Variants in KDM5B observed in about 807,000 individuals in gnomAD.
KDM5B encodes lysine-specific demethylase 5B.
In KDM5B, 144 loss-of-function variants were observed where a neutral mutation model predicts 193.4. The observed-to-expected ratio is 0.74, with a 90% CI of 0.65 to 0.86. The LOEUF (loss-of-function observed/expected upper bound fraction) is 0.86, where lower values mean the gene tolerates loss of function less well. KDM5B is among the 40% of genes least tolerant of loss of function. The pLI is 0.00. For missense variants in KDM5B, 1,833 were observed against 1,886.9 expected (o/e 0.97, Z 0.53); for synonymous variants, 668 against 682.6 (o/e 0.98, Z 0.33).
intron 1 of KDM5B, among the ~76,000 whole-genome samples, chr1:202,793,575 T>G (rs1159681164): frequency 6.6e-6 from 1 of 152,172 alleles, no homozygotes; most frequent in Non-Finnish European, 1.5e-5. Context: ...TCCTTAAGGT[T>G]AGGAGCTCAA....
chr1:202,729,166 C>A lies in KDM5B; in HGVS notation c.4505G>T (p.Trp1502Leu). The change falls in exon 27 of 27, where the codon TGG becomes TTG. Residue 1502 changes from tryptophan (W) to leucine (L), a missense_variant. By Grantham distance (61) the Trp-to-Leu change is moderately conservative (BLOSUM62 -2). Transcript: ENST00000367265. ...CLQPEGDEVD[W>L]VQCDGSCNQW... Reference sequence around the variant, plus strand: ...ATTGCAGCTGCCATCACACTGGACCCAGTCCACCTGGTTACAAAGAGCAGG... The same window carrying A: ...ATTGCAGCTGCCATCACACTGGACCAAGTCCACCTGGTTACAAAGAGCAGG... The A allele has an allele frequency of 6.2e-7, 1 of 1,614,114 alleles. No homozygotes were observed. The highest frequency in any genetic ancestry group is 8.5e-7 in the Non-Finnish European group (1 of 1,179,982).
At position 202,727,759 on chromosome 1, in the gene KDM5B, T is replaced by C. The variant is rs1289782178; in HGVS notation, c.*1277A>G. 2 of 152,642 alleles carry C rather than the reference T, an allele frequency of 1.3e-5. No individual in the cohort carries two copies. Among genetic ancestry groups the C allele is most frequent in the Admixed American group, 6.5e-5 (1 of 15,278 alleles). The allele number at this position is 152,642 out of a possible 1,614,324, so 9.5% of individuals were successfully genotyped here. ...AGAGTCTGGGAATTCACAAGTCTCC[T>C]CTCAAGACATATACTAAACCCGGAC... is the stretch of plus-strand genomic sequence containing the variant. On this transcript the variant is annotated 3_prime_UTR_variant, in exon 27 of 27. Transcript: ENST00000367265.
At position 202,724,734 on chromosome 1, in the gene KDM5B, T is replaced by TTGTGTGTGTGTTTGTG. The variant is rs1246516583; in HGVS notation, c.*4286_*4301dup. On this transcript the variant is annotated 3_prime_UTR_variant, in exon 27 of 27. Transcript: ENST00000367265. ...TGTCCTGATCATACACAGAAGGGGC[T>TTGTGTGTGTGTTTGTG]TGTGTGTGTGTTTGTGTGTGTGTGT... The TTGTGTGTGTGTTTGTG allele has an allele frequency of 4.0e-5, 4 of 98,924 alleles. No individual in the cohort carries two copies. Among genetic ancestry groups the TTGTGTGTGTGTTTGTG allele is most frequent in the African/African-American group, 1.1e-4 (4 of 36,430 alleles). 6.1% of individuals were successfully genotyped at this position (98,924 alleles called of 1,614,324 possible).
chr1:202,803,879 T>A (rs1381956833), intron 1 of KDM5B, among the ~76,000 whole-genome samples: 1 of 145,228 alleles, frequency 6.9e-6, no homozygotes, highest in Admixed American at 7.3e-5. Context: ...TCCAACCTCC[T>A]ACCAGGTTTT....
At chr1:202,775,856 C>CAA (rs35222749) in intron 2 of KDM5B, among the ~76,000 whole-genome samples, 766 of 21,440 alleles carry the variant, frequency 0.036, 72 homozygotes, top group Non-Finnish European at 0.046. Context: ...ACTCTTGTCT[C>CAA]AAAAAAAAAA....
At chr1:202,776,879 A>C in intron 2 of KDM5B, 138 bp downstream of exon 2, 1 of 674,826 alleles carries the variant, frequency 1.5e-6, no homozygotes, top group Non-Finnish European at 2.6e-6. Flanking sequence ...CTACAGAAAG[A>C]AATGTTCTTA....
At position 202,808,314 on chromosome 1, in the gene KDM5B, G is replaced by A. The variant is rs140228931; in HGVS notation, c.-9C>T. 3.0e-3 allele frequency: 4,777 copies of A among 1,581,490 alleles called. 116 individuals carry two copies. The African/African-American group carries it at 0.056, about 19-fold the overall frequency. ...GTGGTGGCCGCCTCCATCACCGCAG[G>A]CTGGGCAAGGGCGAGGCGAAGGTGG... On this transcript the variant is annotated 5_prime_UTR_variant, in exon 1 of 27. Transcript: ENST00000367265.
At chr1:202,766,411 CAGA>C (rs1467477872) in intron 5 of KDM5B, 1 of 381,500 alleles carries the variant, frequency 2.6e-6, no homozygotes, top group East Asian at 8.8e-5. Flanking sequence ...GAGGCTGAGG[CAGA>C]AGAATTGCTG....
At chr1:202,777,127 CT>C in intron 1 of KDM5B, 33 bp from the exon 2 acceptor site, 1 of 1,517,054 alleles carries the variant, frequency 6.6e-7, no homozygotes, top group Non-Finnish European at 9.1e-7. Flanking sequence ...ATTAGAATAA[CT>C]TATAAGCATT....
At chr1:202,747,805 T>C (rs1404000839) in intron 14 of KDM5B, among the ~76,000 whole-genome samples, 1 of 152,104 alleles carries the variant, frequency 6.6e-6, no homozygotes, top group Non-Finnish European at 1.5e-5. Context: ...TGTTCATGAA[T>C]TGGAAGACTC....
At chr1:202,741,289 G>T in intron 19 of KDM5B, 78 bp downstream of exon 19, 2 of 1,038,916 alleles carry the variant, frequency 1.9e-6, no homozygotes, top group Non-Finnish European at 1.4e-6. Flanking sequence ...ACTTGCCATA[G>T]ACCAATCATT....
chr1:202,760,678 T>A (rs183766919), intron 7 of KDM5B, 105 bp from the exon 8 acceptor site: 1 of 726,392 alleles, frequency 1.4e-6, no homozygotes, highest in Non-Finnish European at 2.2e-6. Context: ...AGTCTCTACA[T>A]CCTGCTACAA....
At position 202,728,769 on chromosome 1, in the gene KDM5B, A is replaced by G. The variant is rs1327279870; in HGVS notation, c.*267T>C. On this transcript the variant is annotated 3_prime_UTR_variant, in exon 27 of 27. Coordinates refer to ENST00000367265, the MANE Select transcript of KDM5B (RefSeq NM_006618.5). ...TTCAATGCCTTCCAAATTGGTGGGA[A>G]CCCCTGCAAAAAAAACAGTCAGCTT... 2.8e-6 allele frequency: 1 copy of G among 354,784 alleles called. No individual in the cohort carries two copies. The highest frequency in any genetic ancestry group is 3.9e-5 in the South Asian group (1 of 25,644). The allele number at this position is 354,784 out of a possible 1,614,324, so 22.0% of individuals were successfully genotyped here.
At position 202,728,896 on chromosome 1, in the gene KDM5B, A is replaced by C. The variant is rs1654767092; in HGVS notation, c.*140T>G. 1.1e-6 allele frequency: 1 copy of C among 924,534 alleles called. No homozygotes were observed. Among genetic ancestry groups the C allele is most frequent in the Admixed American group, 2.4e-5 (1 of 40,886 alleles). The allele number at this position is 924,534 out of a possible 1,614,324, so 57.3% of individuals were successfully genotyped here. A position where few individuals can be genotyped will look rare whatever the true frequency, so the allele number is the denominator to read the frequency against. On this transcript the variant is annotated 3_prime_UTR_variant, in exon 27 of 27. Transcript: ENST00000367265. ...CTTTTCTTCAAAGAGTCCTGGAAAAATGATCCCATAAGGAATAGAAATAGC... is the reference window on the plus strand; with the variant it reads ...CTTTTCTTCAAAGAGTCCTGGAAAACTGATCCCATAAGGAATAGAAATAGC...
In KDM5B at chr1:202,775,760, G is replaced by A. The variant is rs1234565048; in HGVS notation, c.283-1025C>T. ...AATGCCAACTACTCAGGAGGCCGAG[G>A]CAGGAGAATCACTTGAACCTAAGAG... On this transcript the variant is annotated intron_variant, in intron 2 of 26. Transcript: ENST00000367265. Among the ~76,000 whole-genome samples the A allele has an allele frequency of 4.1e-5, 6 of 146,664 alleles. No homozygotes were observed. In the East Asian group the frequency reaches 1.2e-3, roughly 29 times the overall value.
intron 14 of KDM5B, among the ~76,000 whole-genome samples, 166 bp downstream of exon 14, chr1:202,748,774 AATAAG>A (rs1655671053): frequency 6.6e-6 from 1 of 152,230 alleles, no homozygotes; most frequent in Non-Finnish European, 1.5e-5. Flanking sequence ...ACATGTGGCA[AATAAG>A]ATAGTGAATA....
At chr1:202,793,549 A>G (rs1035949955) in intron 1 of KDM5B, among the ~76,000 whole-genome samples, 4 of 152,240 alleles carry the variant, frequency 2.6e-5, no homozygotes, top group African/African-American at 9.6e-5. Context: ...TAAAGCTCTG[A>G]AAATAGTCAT....
chr1:202,747,011 G>A (rs1360926520), intron 14 of KDM5B, among the ~76,000 whole-genome samples: 1 of 152,140 alleles, frequency 6.6e-6, no homozygotes. Context: ...TACACCTTTT[G>A]TCATTTAAAG....
At chr1:202,807,763 G>A (rs1658366148) in intron 1 of KDM5B, among the ~76,000 whole-genome samples, 2 of 150,324 alleles carry the variant, frequency 1.3e-5, no homozygotes, top group South Asian at 2.1e-4. Context: ...GCCAGGCTCC[G>A]TGAGGAAACT....
Sources: gnomAD v4.1 joint callset for allele counts (sites outside exome capture counted in the v4.1 genomes callset) on GRCh38, gnomAD v4.1.1 for gene constraint, MANE v1.5 for transcripts, NCBI Gene and HGNC (gene_info 2026-07-23, HGNC 2026-07-21) for gene names.